CCDC178: variants seen among roughly 807,000 people sequenced by gnomAD.
CCDC178 encodes coiled-coil domain-containing protein 178.
A neutral mutation model predicts 117.4 loss-of-function variants in CCDC178; 126 were observed. The observed-to-expected ratio is 1.07, with a 90% confidence interval of 0.93 to 1.24. The LOEUF is 1.24. Among genes scored for constraint, CCDC178 ranks in the 50% most tolerant of loss-of-function variants. The probability of loss-of-function intolerance (pLI) is 0.00; values close to 1 mark genes in which losing one functional copy is unlikely to be tolerated. For synonymous variants in CCDC178, 283 were observed against 313.4 expected (o/e 0.90, Z 1.02); for missense variants, 1,030 against 986.9 (o/e 1.04, Z -0.59).
chr18:33,095,216 G>T (rs1296147163), intron 20 of CCDC178, among the ~76,000 whole-genome samples: 1 of 151,690 alleles, frequency 6.6e-6, no homozygotes, highest in Non-Finnish European at 1.5e-5. Flanking sequence ...CTTTCTCAAA[G>T]ACAGATTTAT....
intron 20 of CCDC178, among the ~76,000 whole-genome samples, chr18:33,116,617 T>A (rs2057860197): frequency 6.6e-6 from 1 of 152,012 alleles, no homozygotes; most frequent in Admixed American, 6.6e-5. Flanking sequence ...CAGGGTTTAT[T>A]TCCTTATAGC....
At chr18:33,254,673 G>A (rs2059657866) in intron 14 of CCDC178, among the ~76,000 whole-genome samples, 1 of 151,986 alleles carries the variant, frequency 6.6e-6, no homozygotes, top group South Asian at 2.1e-4. Context: ...ATTATACAAA[G>A]GGTGAATTAA....
intron 22 of CCDC178, among the ~76,000 whole-genome samples, chr18:32,970,776 G>T (rs1234366115): frequency 1.3e-5 from 2 of 152,036 alleles, no homozygotes; most frequent in African/African-American, 4.8e-5. Flanking sequence ...TTCACTGATG[G>T]TATAAAGGCC....
intron 10 of CCDC178, among the ~76,000 whole-genome samples, chr18:33,326,813 C>T (rs115073140): frequency 7.5e-4 from 114 of 151,766 alleles, no homozygotes; most frequent in African/African-American, 2.6e-3. Context: ...CTCTCTCATT[C>T]GAAGACATCA....
chr18:33,155,161 G>A (rs1350082097), intron 20 of CCDC178, among the ~76,000 whole-genome samples: 1 of 152,052 alleles, frequency 6.6e-6, no homozygotes, highest in African/African-American at 2.4e-5. Flanking sequence ...TACAACGTAT[G>A]TTCTCTGACC....
chr18:33,319,206 G>A (rs1350002062), intron 11 of CCDC178, among the ~76,000 whole-genome samples: 1 of 151,384 alleles, frequency 6.6e-6, no homozygotes, highest in Non-Finnish European at 1.5e-5. Context: ...TCCACCTCAT[G>A]ACAGGCCCCA....
intron 14 of CCDC178, among the ~76,000 whole-genome samples, chr18:33,252,639 C>T (rs72951028): frequency 0.12 from 18,062 of 151,670 alleles, 1,413 homozygotes; most frequent in East Asian, 0.33. Context: ...TGGATTCATT[C>T]TAGGTATTCC....
chr18:33,174,639 A>G (rs1455060325), intron 20 of CCDC178, among the ~76,000 whole-genome samples: 1 of 152,168 alleles, frequency 6.6e-6, no homozygotes, highest in Non-Finnish European at 1.5e-5. Flanking sequence ...CCTTTATTTT[A>G]AGAAGGAGGA....
chr18:33,245,106 T>C (rs1375098162), intron 15 of CCDC178, 139 bp downstream of exon 15: 1 of 780,072 alleles, frequency 1.3e-6, no homozygotes, highest in African/African-American at 1.8e-5. Context: ...GGTGGTTTTC[T>C]TCTCATTTAT....
chr18:33,000,939 T>C (rs1186456702), intron 21 of CCDC178, among the ~76,000 whole-genome samples: 1 of 152,204 alleles, frequency 6.6e-6, no homozygotes, highest in Non-Finnish European at 1.5e-5. Flanking sequence ...GCACTGTAAT[T>C]GTAGTGTGTA....
intron 2 of CCDC178, among the ~76,000 whole-genome samples, chr18:33,415,974 G>A (rs997387105): frequency 6.6e-6 from 1 of 152,200 alleles, no homozygotes; most frequent in African/African-American, 2.4e-5. Context: ...CAAACTTGAA[G>A]TAGAAGAGAC....
intron 21 of CCDC178, among the ~76,000 whole-genome samples, chr18:33,070,676 C>T (rs9956973): frequency 3.5e-4 from 53 of 151,978 alleles, no homozygotes; most frequent in African/African-American, 1.2e-3. Flanking sequence ...GAAATGGTCC[C>T]AATGTAAAGA....
intron 22 of CCDC178, among the ~76,000 whole-genome samples, chr18:32,968,046 T>C (rs2054851939): frequency 2.6e-5 from 4 of 151,986 alleles, no homozygotes; most frequent in Middle Eastern, 6.8e-3. Context: ...ATGTACATTA[T>C]TGTTAACTGT....
At chr18:33,310,172 G>A (rs943431568) in intron 11 of CCDC178, among the ~76,000 whole-genome samples, 1 of 151,928 alleles carries the variant, frequency 6.6e-6, no homozygotes, top group Middle Eastern at 3.2e-3. Context: ...TGTTGGCCAG[G>A]ATGGTCTCAA....
intron 20 of CCDC178, among the ~76,000 whole-genome samples, chr18:33,132,144 G>T (rs1028508346): frequency 6.6e-6 from 1 of 151,588 alleles, no homozygotes; most frequent in Admixed American, 6.6e-5. Context: ...TATTAGCAGG[G>T]TGATAGATGA....
At chr18:33,243,698 A>AGCCGAATGATATGG (rs2059514243) in intron 15 of CCDC178, among the ~76,000 whole-genome samples, 1 of 151,902 alleles carries the variant, frequency 6.6e-6, no homozygotes, top group Non-Finnish European at 1.5e-5. Flanking sequence ...TCTCTTTCAT[A>AGCCGAATGATATGG]AGTGAGTACC....
At chr18:33,204,844 A>G (rs1015130001) in intron 20 of CCDC178, among the ~76,000 whole-genome samples, 5 of 152,148 alleles carry the variant, frequency 3.3e-5, no homozygotes, top group African/African-American at 1.2e-4. Flanking sequence ...GCAAAAGACT[A>G]AACACTTTCT....
intron 22 of CCDC178, among the ~76,000 whole-genome samples, chr18:32,941,844 T>C (rs2054246088): frequency 6.6e-6 from 1 of 152,142 alleles, no homozygotes; most frequent in Admixed American, 6.6e-5. Flanking sequence ...CGTGTGTTGC[T>C]TTGATGTGAT....
At chr18:33,378,406 A>G (rs1246958430) in intron 5 of CCDC178, among the ~76,000 whole-genome samples, 1 of 152,142 alleles carries the variant, frequency 6.6e-6, no homozygotes, top group Non-Finnish European at 1.5e-5. Context: ...TCTTTTTGAC[A>G]TCTTCCTGTT....
Sources: gnomAD v4.1 joint callset for allele counts (sites outside exome capture counted in the v4.1 genomes callset) on GRCh38, gnomAD v4.1.1 for gene constraint, MANE v1.5 for transcripts, NCBI Gene and HGNC (gene_info 2026-07-23, HGNC 2026-07-21) for gene names.